Variants in CNR1 observed in about 807,000 individuals in gnomAD.
The protein encoded by CNR1 is cannabinoid receptor 1, also known as cannabinoid receptor 1 (brain).
A neutral mutation model predicts 23.0 loss-of-function variants in CNR1; 10 were observed. That is an observed-to-expected ratio of 0.43 (90% confidence interval 0.27 to 0.74). CNR1 has a LOEUF of 0.74. CNR1 is among the 30% of genes least tolerant of loss of function. The pLI, the probability that CNR1 is intolerant of heterozygous loss-of-function variation, is 0.19. For synonymous variants in CNR1, 271 were observed against 255.2 expected, an observed-to-expected ratio of 1.06 and a Z score of -0.59; for missense variants, 422 against 618.8, an observed-to-expected ratio of 0.68 and a Z score of 3.37.
intron 1 of CNR1, among the ~76,000 whole-genome samples, chr6:88,156,182 A>G (rs806381): frequency 0.32 from 48,839 of 152,056 alleles, 7,889 homozygotes; most frequent in Middle Eastern, 0.43. Flanking sequence ...GACCGTTACC[A>G]TCTCCTGGTG....
chr6:88,147,623 C>T (rs1327117956), intron 1 of CNR1: 4 of 152,234 alleles, frequency 2.6e-5, no homozygotes, highest in Non-Finnish European at 5.9e-5. Context: ...CACCTTCCCA[C>T]ATTCTGCCAC....
intron 1 of CNR1, among the ~76,000 whole-genome samples, chr6:88,155,848 G>A (rs1777764099): frequency 1.3e-5 from 2 of 152,138 alleles, no homozygotes; most frequent in Non-Finnish European, 2.9e-5. Flanking sequence ...TGTAAGTAAG[G>A]GAAGGTGTTT....
chr6:88,161,817 G>A (rs1778123758), intron 1 of CNR1, among the ~76,000 whole-genome samples: 1 of 152,046 alleles, frequency 6.6e-6, no homozygotes, highest in East Asian at 1.9e-4. Context: ...TTACAAACCT[G>A]CCCCCCTAAC....
rs1468167604 is a variant in CNR1 at position 88,166,136 on chromosome 6, C to G, written c.-397G>C. The G allele has an allele frequency of 1.3e-5, 2 of 152,100 alleles. No homozygotes were observed. Among genetic ancestry groups the G allele is most frequent in the South Asian group, 2.1e-4 (1 of 4,836 alleles). 9.4% of individuals were successfully genotyped at this position (152,100 alleles called of 1,614,324 possible). A position where few individuals can be genotyped will look rare whatever the true frequency, so the allele number is the denominator to read the frequency against. ...TCAGTCCGTCCGAGCGCCGGCGTCC[C>G]GGTCTCCAGCGCCCGCCCGCGACAG... is the stretch of plus-strand genomic sequence containing the variant. On this transcript the variant is annotated 5_prime_UTR_variant, in exon 1 of 2. Coordinates refer to ENST00000369501, the MANE Select transcript of CNR1 (RefSeq NM_016083.6).
chr6:88,144,336 G>C lies in CNR1; in HGVS notation c.939C>G (p.Thr313=), dbSNP rs1562501355. ...SHAVRMIQRG[T]QKSIIIHTSE... is the part of the protein sequence containing the mutation. Reference sequence around the variant, plus strand: ...ACGTGTGGATGATGATGCTCTTCTGGGTGCCACGCTGAATCATGCGGACGG... The same window carrying C: ...ACGTGTGGATGATGATGCTCTTCTGCGTGCCACGCTGAATCATGCGGACGG... Residue 313 remains threonine, a synonymous_variant, in exon 2 of 2, where the codon ACC becomes ACG. Transcript: ENST00000369501. The surrounding 1 kb of genome is among the most constrained non-coding windows in gnomAD (Gnocchi z 7.8). 1 of 1,613,440 alleles carries C rather than the reference G, an allele frequency of 6.2e-7. No individual in the cohort carries two copies. The highest frequency in any genetic ancestry group is 8.5e-7 in the Non-Finnish European group (1 of 1,180,002).
rs143463104 is a variant in CNR1, at chr6:88,144,841, C to T, written c.434G>A (p.Arg145His). 2.5e-5 allele frequency: 40 copies of T among 1,614,010 alleles called. No individual in the cohort carries two copies. Among genetic ancestry groups the T allele is most frequent in the African/African-American group, 5.3e-5 (4 of 74,944 alleles). The change falls in exon 2 of 2, where the codon CGC becomes CAC. Residue 145 changes from arginine to histidine, a missense_variant. Around this residue, in one of 4 missense-constraint regions of CNR1, gnomAD observed 211 missense variants for 357.3 expected, o/e 0.59. Coordinates refer to ENST00000369501, the MANE Select transcript of CNR1 (RefSeq NM_016083.6). This position sits in a 1 kb window ranked among gnomAD's most constrained non-coding sequence, Gnocchi z 7.8. ...GTAGGAAGGCCTGCAGCGGAGGCTG[C>T]GGGAGTGGAGGATGACGCACAGCAC... ...LLVLCVILHSRSLRCRPSYHF... is the reference protein window; with the variant it reads ...LLVLCVILHSHSLRCRPSYHF...
At chr6:88,145,364 G>A (rs985815275) in intron 1 of CNR1, 27 bp from the exon 2 acceptor site, 16 of 1,006,228 alleles carry the variant, frequency 1.6e-5, no homozygotes, top group Admixed American at 6.9e-5. Flanking sequence ...CAAATAAGCC[G>A]AATGGTGAGA....
intron 1 of CNR1, among the ~76,000 whole-genome samples, chr6:88,148,936 C>T (rs1777363262): frequency 6.6e-6 from 1 of 152,190 alleles, no homozygotes; most frequent in Non-Finnish European, 1.5e-5. Flanking sequence ...CCATGGGTAA[C>T]TTCTATCATC....
upstream of CNR1, among the ~76,000 whole-genome samples, chr6:88,167,300 A>G (rs997052659): frequency 6.6e-6 from 1 of 152,200 alleles, no homozygotes; most frequent in African/African-American, 2.4e-5. Flanking sequence ...CAGCCGCGGC[A>G]GGAATTAGGG....
chr6:88,148,840 C>T (rs1257939120), intron 1 of CNR1, among the ~76,000 whole-genome samples: 1 of 152,224 alleles, frequency 6.6e-6, no homozygotes, highest in African/African-American at 2.4e-5. Flanking sequence ...CCCTTAGCTC[C>T]TCCATGGTTG....
rs757346364 is a variant in CNR1 at position 88,145,100 on chromosome 6, G to A, written c.175C>T (p.Gln59Ter). The A allele has an allele frequency of 6.2e-7, 1 of 1,614,058 alleles. No homozygotes were observed. The highest frequency in any genetic ancestry group is 1.3e-5 in the African/African-American group (1 of 74,932). Residue 59 changes from glutamine (Q) to a stop codon, truncating the protein, a stop_gained, in exon 2 of 2, where the codon CAA becomes TAA. Transcript: ENST00000369501. LOFTEE classifies it high-confidence loss of function. ...TTGTCTCCCGCAGTCATCTTCTCTT[G>A]GAAGGGACTTCCCCTAAAGGAAGTT... ...PLTSFRGSPF[Q>*]EKMTAGDNPQ...
At chr6:88,154,986 C>T (rs1341182868) in intron 1 of CNR1, among the ~76,000 whole-genome samples, 1 of 152,168 alleles carries the variant, frequency 6.6e-6, no homozygotes, top group Non-Finnish European at 1.5e-5. Flanking sequence ...TTATCTTTAT[C>T]TTGCATATGA....
chr6:88,165,082 TGA>T (rs1215645471), intron 1 of CNR1, among the ~76,000 whole-genome samples: 4 of 152,250 alleles, frequency 2.6e-5, no homozygotes, highest in Admixed American at 6.5e-5. Flanking sequence ...TTTAAATATC[TGA>T]GAGACAATCT....
chr6:88,166,512 G>A (rs1281148752), upstream of CNR1, among the ~76,000 whole-genome samples: 1 of 152,132 alleles, frequency 6.6e-6, no homozygotes, highest in African/African-American at 2.4e-5. Flanking sequence ...TTGGGGCGGG[G>A]GACCCGCCGC....
chr6:88,145,238 A>G lies in CNR1; in HGVS notation c.37T>C (p.Phe13Leu), dbSNP rs747886813. ...SILDGLADTT[F>L]RTITTDLLYV... Reference sequence around the variant, plus strand: ...AGGAGGTCAGTGGTGATGGTGCGGAAGGTGGTATCTGCAAGGCCATCTAGG... The same window carrying G: ...AGGAGGTCAGTGGTGATGGTGCGGAGGGTGGTATCTGCAAGGCCATCTAGG... The change falls in exon 2 of 2, where the codon TTC becomes CTC. Residue 13 changes from phenylalanine (F) to leucine (L), a missense_variant. Phe to Leu is a conservative substitution (Grantham distance 22). Around this residue, in one of 4 missense-constraint regions of CNR1, gnomAD observed 120 missense variants for 117.6 expected, o/e 1.02. Transcript: ENST00000369501. The G allele has an allele frequency of 4.3e-6, 7 of 1,613,970 alleles. No homozygotes were observed. Among genetic ancestry groups the G allele is most frequent in the Non-Finnish European group, 5.9e-6 (7 of 1,179,908 alleles).
In CNR1 at chr6:88,144,457, T is replaced by C. The variant is rs1186550534; in HGVS notation, c.818A>G (p.Glu273Gly). The C allele has an allele frequency of 6.2e-7, 1 of 1,614,014 alleles. No homozygotes were observed. Among genetic ancestry groups the C allele is most frequent in the African/African-American group, 1.3e-5 (1 of 74,928 alleles). Residue 273 changes from glutamate to glycine, a missense_variant, in exon 2 of 2, where the codon GAA (glutamate) becomes GGA (glycine). By Grantham distance (98) the Glu-to-Gly change is moderately conservative. Transcript: ENST00000369501. The surrounding 1 kb of genome is among the most constrained non-coding windows in gnomAD (Gnocchi z 7.8). Reference protein sequence around the residue: ...VCSDIFPHIDETYLMFWIGVT... With the variant: ...VCSDIFPHIDGTYLMFWIGVT... ...CCCGATCCAGAACATCAGGTAGGTTTCATCAATGTGTGGGAAAATGTCTGA... is the reference window on the plus strand; with the variant it reads ...CCCGATCCAGAACATCAGGTAGGTTCCATCAATGTGTGGGAAAATGTCTGA...
intron 1 of CNR1, among the ~76,000 whole-genome samples, chr6:88,160,130 C>T (rs1778013893): frequency 6.6e-6 from 1 of 151,974 alleles, no homozygotes; most frequent in African/African-American, 2.4e-5. Context: ...GAGTTCAAGA[C>T]CAGCGTGGCC....
intron 1 of CNR1, among the ~76,000 whole-genome samples, chr6:88,152,569 TATG>T (rs1209560813): frequency 6.6e-6 from 1 of 152,218 alleles, no homozygotes; most frequent in Non-Finnish European, 1.5e-5. Context: ...GGTGTGGTTA[TATG>T]ATAACAGAGT....
At chr6:88,165,282 A>G (rs1329096406) in intron 1 of CNR1, among the ~76,000 whole-genome samples, 1 of 152,264 alleles carries the variant, frequency 6.6e-6, no homozygotes, top group Non-Finnish European at 1.5e-5. Flanking sequence ...TTCTGAGTTA[A>G]ACGGTTCCAT....
Sources: allele counts gnomAD v4.1 joint callset (sites outside exome capture counted in the v4.1 genomes callset), GRCh38; gene constraint gnomAD v4.1.1; regional missense constraint gnomAD v4.1.1; non-coding constraint Gnocchi (gnomAD v3.1); transcripts MANE v1.5; gene names NCBI Gene and HGNC (gene_info 2026-07-23, HGNC 2026-07-21).